SHROOM2: variants seen among roughly 807,000 people sequenced by gnomAD.
The protein encoded by SHROOM2 is protein Shroom2.
A neutral mutation model predicts 75.9 loss-of-function variants in SHROOM2; 33 were observed. That is an observed-to-expected ratio of 0.43 (90% CI 0.33 to 0.58). The LOEUF is 0.58. Among genes scored for constraint, SHROOM2 ranks in the 20% least tolerant of loss-of-function variants. SHROOM2 has a pLI of 0.04. For synonymous variants in SHROOM2, 655 were observed against 663.6 expected, an observed-to-expected ratio of 0.99 and a Z score of 0.20; for missense variants, 1,434 against 1,461.2, an observed-to-expected ratio of 0.98 and a Z score of 0.30.
chrX:9,898,221 G>A lies in SHROOM2; in HGVS notation c.2822G>A (p.Gly941Glu), dbSNP rs1247924281. ...EASVELRRQA[G>E]DPGEPREELP... ...TCTGTCGAACTGCGAAGGCAGGCAG[G>A]GGACCCCGGCGAGCCCAGAGAAGAG... The change falls in exon 5 of 10, where the codon GGG (glycine) becomes GAG (glutamate). Residue 941 changes from glycine (G) to glutamate (E), a missense_variant. Transcript: ENST00000380913. 8.4e-7 allele frequency: 1 copy of A among 1,188,795 alleles called. No individual in the cohort carries two copies. The highest frequency in any genetic ancestry group is 1.1e-6 in the Non-Finnish European group (1 of 883,989).
At chrX:9,934,596 C>T (rs780723337) in intron 6 of SHROOM2, among the ~76,000 whole-genome samples, 1 of 111,004 alleles carries the variant, frequency 9.0e-6, no homozygotes, top group South Asian at 3.9e-4. Flanking sequence ...GAGGGCTGGT[C>T]GCTGGAAGGT....
intron 1 of SHROOM2, among the ~76,000 whole-genome samples, chrX:9,869,396 A>G (rs1446337756): frequency 2.7e-5 from 3 of 112,650 alleles, no homozygotes; most frequent in African/African-American, 9.7e-5. Context: ...TTGTCCAACC[A>G]TCACCACTGT....
chrX:9,879,785 G>A (rs56921973), intron 2 of SHROOM2, among the ~76,000 whole-genome samples: 1 of 110,768 alleles, frequency 9.0e-6, no homozygotes, highest in Non-Finnish European at 1.9e-5. Flanking sequence ...GTCTCTGGAG[G>A]ACCTGTATGT....
chrX:9,810,618 A>G (rs973212269), intron 1 of SHROOM2, among the ~76,000 whole-genome samples: 2 of 110,407 alleles, frequency 1.8e-5, no homozygotes, highest in African/African-American at 6.6e-5. Flanking sequence ...GCAGAACGTA[A>G]TGTTGCAGGA....
intron 1 of SHROOM2, among the ~76,000 whole-genome samples, chrX:9,836,825 T>C (rs758228229): frequency 1.8e-5 from 2 of 111,475 alleles, no homozygotes; most frequent in Non-Finnish European, 3.8e-5. Context: ...CAATTTTAGA[T>C]CCTTTCCATC....
chrX:9,919,809 C>T lies in SHROOM2; in HGVS notation c.2892-12366C>T, dbSNP rs752206773. Among the ~76,000 whole-genome samples the T allele has an allele frequency of 1.3e-4, 15 of 111,596 alleles. No individual in the cohort carries two copies. The South Asian group carries it at 5.2e-3, about 39-fold the overall frequency. ...CACTACAGCTCATCAGACAGTACATCTTAACTCACTACAACTCATCAGACT... is the reference window on the plus strand; with the variant it reads ...CACTACAGCTCATCAGACAGTACATTTTAACTCACTACAACTCATCAGACT... On this transcript the variant is annotated intron_variant, in intron 5 of 9. Coordinates refer to ENST00000380913, the MANE Select transcript of SHROOM2 (RefSeq NM_001649.4).
intron 1 of SHROOM2, among the ~76,000 whole-genome samples, chrX:9,845,287 GC>G (rs1184802333): frequency 8.9e-6 from 1 of 112,085 alleles, no homozygotes; most frequent in Admixed American, 9.5e-5. Flanking sequence ...GGCTCATTTG[GC>G]CCATGTTTAT....
At chrX:9,877,923 G>A (rs891055563) in intron 2 of SHROOM2, among the ~76,000 whole-genome samples, 1 of 111,067 alleles carries the variant, frequency 9.0e-6, no homozygotes, top group Non-Finnish European at 1.9e-5. Context: ...CTATCCACTC[G>A]GTGCCAGGGA....
intron 1 of SHROOM2, among the ~76,000 whole-genome samples, chrX:9,831,424 T>C (rs2083915470): frequency 8.9e-6 from 1 of 111,760 alleles, no homozygotes; most frequent in Admixed American, 9.5e-5. Context: ...TTTGGGAGGC[T>C]GAGGTGGGCG....
At chrX:9,920,896 G>A (rs1001875104) in intron 5 of SHROOM2, among the ~76,000 whole-genome samples, 5 of 112,417 alleles carry the variant, frequency 4.4e-5, no homozygotes, top group African/African-American at 1.6e-4. Flanking sequence ...TTACCTTGCT[G>A]CATAACAAAT....
Position 9,895,385 on chromosome X carries a change from G to A in SHROOM2, c.1477G>A (p.Gly493Arg), listed in dbSNP as rs935978898. 8.3e-7 allele frequency: 1 copy of A among 1,201,769 alleles called. No individual in the cohort carries two copies. Among genetic ancestry groups the A allele is most frequent in the South Asian group, 1.8e-5 (1 of 55,223 alleles). Residue 493 changes from glycine (G) to arginine (R), a missense_variant, in exon 4 of 10, where the codon GGA (glycine) becomes AGA (arginine). Transcript: ENST00000380913. ...GDLQAAQLWA[G>R]CWPSDTALGA... ...CCTGCAAGCAGCACAGCTCTGGGCG[G>A]GATGCTGGCCTTCTGACACAGCCCT...
chrX:9,900,349 A>C (rs1057496036), intron 5 of SHROOM2, among the ~76,000 whole-genome samples: 3 of 112,008 alleles, frequency 2.7e-5, no homozygotes, highest in African/African-American at 9.7e-5. Context: ...GAATAATAGA[A>C]GTCAAAGTTC....
intron 5 of SHROOM2, among the ~76,000 whole-genome samples, chrX:9,931,407 C>T (rs188767335): frequency 1.1e-4 from 12 of 111,213 alleles, no homozygotes; most frequent in African/African-American, 2.3e-4. Context: ...CTAGCTACTC[C>T]GCAGGCAGGC....
chrX:9,870,174 C>T (rs931605639), intron 1 of SHROOM2, among the ~76,000 whole-genome samples: 17 of 111,642 alleles, frequency 1.5e-4, no homozygotes, highest in Non-Finnish European at 3.0e-4. Flanking sequence ...TGTGGTGGGC[C>T]GTGATCACGC....
chrX:9,892,809 T>C (rs939973361), intron 3 of SHROOM2, among the ~76,000 whole-genome samples: 13 of 112,228 alleles, frequency 1.2e-4, no homozygotes, highest in African/African-American at 3.9e-4. Flanking sequence ...TCATCCTCAC[T>C]CTCCCCCAAC....
chrX:9,892,978 C>T (rs944920659), intron 3 of SHROOM2, among the ~76,000 whole-genome samples: 3 of 112,500 alleles, frequency 2.7e-5, no homozygotes, highest in Non-Finnish European at 5.6e-5. Context: ...GTCAACTCAC[C>T]GTCAATTTCA....
Position 9,884,368 on chromosome X carries a change from C to CTTTTTTTTT in SHROOM2, c.318-6596_318-6588dup, listed in dbSNP as rs1181815816. Among the ~76,000 whole-genome samples, 23 of 62,271 alleles carry CTTTTTTTTT rather than the reference C, an allele frequency of 3.7e-4. No homozygotes were observed. The East Asian group carries it at 5.0e-3, about 13-fold the overall frequency. 54.1% of individuals were successfully genotyped at this position (62,271 alleles called of 115,157 possible). On this transcript the variant is annotated intron_variant, in intron 2 of 9. Coordinates refer to ENST00000380913, the MANE Select transcript of SHROOM2 (RefSeq NM_001649.4). ...ACACTCGTGATTTTTTTTTTCTTTT[C>CTTTTTTTTT]TTTTTTTTTTTTTTTTTTTTTAGTT...
chrX:9,872,497 G>C (rs2084176425), intron 1 of SHROOM2, among the ~76,000 whole-genome samples: 1 of 111,595 alleles, frequency 9.0e-6, no homozygotes. Flanking sequence ...CCAGGAGGCA[G>C]AGGTTGCAGT....
Position 9,795,346 on chromosome X carries a change from C to T in SHROOM2, c.165+8636C>T, listed in dbSNP as rs1363163915. Among the ~76,000 whole-genome samples the T allele has an allele frequency of 2.7e-5, 3 of 111,721 alleles. No individual in the cohort carries two copies. The Admixed American group carries it at 2.9e-4, about 11-fold the overall frequency. ...CTTCCTGGAAGATTTTGTTCAACAT[C>T]ATCTTCTAATCTTTCCATTAAGTTT... is the stretch of plus-strand genomic sequence containing the variant. On this transcript the variant is annotated intron_variant, in intron 1 of 9. Coordinates refer to ENST00000380913, the MANE Select transcript of SHROOM2 (RefSeq NM_001649.4).
Sources: gnomAD v4.1 joint callset for allele counts (sites outside exome capture counted in the v4.1 genomes callset) on GRCh38, gnomAD v4.1.1 for gene constraint, MANE v1.5 for transcripts, NCBI Gene and HGNC (gene_info 2026-07-23, HGNC 2026-07-21) for gene names.